NEDD4L: variants seen among roughly 807,000 people sequenced by gnomAD.
NEDD4L encodes the protein NEDD4 like E3 ubiquitin protein ligase.
NEDD4L carries 54 observed loss-of-function variants against 148.9 expected under a neutral mutation model. The ratio of observed to expected loss-of-function variants is 0.36; its 90% CI spans 0.29 to 0.45. The LOEUF (loss-of-function observed/expected upper bound fraction) is 0.45, where lower values mean the gene tolerates loss of function less well. Ranked by LOEUF, NEDD4L falls within the 20% of genes least tolerant of loss-of-function variation. The probability of loss-of-function intolerance (pLI) is 1.00; values close to 1 mark genes in which losing one functional copy is unlikely to be tolerated. For missense variants in NEDD4L, 856 were observed against 1,233.8 expected, an observed-to-expected ratio of 0.69 and a Z score of 4.59; for synonymous variants, 433 against 440.7, an observed-to-expected ratio of 0.98 and a Z score of 0.22.
intron 1 of NEDD4L, among the ~76,000 whole-genome samples, chr18:58,154,687 T>G (rs1169310681): frequency 1.3e-5 from 2 of 152,194 alleles, no homozygotes; most frequent in Non-Finnish European, 2.9e-5. Context: ...CTTGGGAGGC[T>G]GAGGCACGAG....
In NEDD4L at chr18:58,146,510, A is replaced by G. The variant is rs189444595; in HGVS notation, c.49-19278A>G. Among the ~76,000 whole-genome samples the G allele has an allele frequency of 1.2e-4, 19 of 152,232 alleles. No homozygotes were observed. The East Asian group carries it at 2.9e-3, about 23-fold the overall frequency. ...CAGCGACCAGCCAAGTGGCCTATAG[A>G]TAATAAGGAGGACTCTTCATGACAT... On this transcript the variant is annotated intron_variant, in intron 1 of 30. Coordinates refer to ENST00000400345, the MANE Select transcript of NEDD4L (RefSeq NM_001144967.3).
rs1458273314 is a variant in NEDD4L, at chr18:58,106,599, G to A, written c.49-59189G>A. Among the ~76,000 whole-genome samples the A allele has an allele frequency of 2.0e-5, 3 of 152,098 alleles. No homozygotes were observed. In the East Asian group the frequency reaches 5.8e-4, roughly 29 times the overall value. ...CTTCTCTTTTGTCATCTGTTAAAGGGGTTAGTGAAGGACCCTTCTCATAGG... is the reference window on the plus strand; with the variant it reads ...CTTCTCTTTTGTCATCTGTTAAAGGAGTTAGTGAAGGACCCTTCTCATAGG... On this transcript the variant is annotated intron_variant, in intron 1 of 30. Coordinates refer to ENST00000400345, the MANE Select transcript of NEDD4L (RefSeq NM_001144967.3).
At chr18:58,199,416 C>T (rs1466280720) in intron 2 of NEDD4L, among the ~76,000 whole-genome samples, 1 of 151,998 alleles carries the variant, frequency 6.6e-6, no homozygotes, top group Non-Finnish European at 1.5e-5. Context: ...GGTGCTGCTC[C>T]ACTTTCTACA....
At chr18:58,233,369 C>T (rs2045489760) in intron 2 of NEDD4L, among the ~76,000 whole-genome samples, 1 of 152,164 alleles carries the variant, frequency 6.6e-6, no homozygotes, top group Non-Finnish European at 1.5e-5. Context: ...GCCTCACAAT[C>T]ATGGTAGAAG....
intron 6 of NEDD4L, among the ~76,000 whole-genome samples, chr18:58,320,859 A>G (rs1409131759): frequency 6.6e-6 from 1 of 152,206 alleles, no homozygotes; most frequent in African/African-American, 2.4e-5. Flanking sequence ...AAAGGAAGGA[A>G]AACCAGCAAT....
Position 58,248,949 on chromosome 18 carries a change from ATTGT to A in NEDD4L, c.243+16_243+19del. The A allele has an allele frequency of 7.1e-7, 1 of 1,418,384 alleles. No homozygotes were observed. Among genetic ancestry groups the A allele is most frequent in the South Asian group, 1.3e-5 (1 of 79,914 alleles). 87.9% of individuals were successfully genotyped at this position (1,418,384 alleles called of 1,614,324 possible). ...AATTTTATTTCAGGGTAAGTTTTTCATTGTTTGGTAATAATTGTTATTGATACGT... is the reference window on the plus strand; with the variant it reads ...AATTTTATTTCAGGGTAAGTTTTTCATTGGTAATAATTGTTATTGATACGT... On this transcript the variant is annotated intron_variant, in intron 4 of 30. Coordinates refer to ENST00000400345, the MANE Select transcript of NEDD4L (RefSeq NM_001144967.3).
chr18:58,213,330 C>T (rs2042800573), intron 2 of NEDD4L, among the ~76,000 whole-genome samples: 1 of 152,088 alleles, frequency 6.6e-6, no homozygotes, highest in African/African-American at 2.4e-5. Flanking sequence ...AATATGAAAA[C>T]CCATCAGTTG....
At chr18:58,194,225 G>C (rs568364446) in intron 2 of NEDD4L, 2 of 152,244 alleles carry the variant, frequency 1.3e-5, no homozygotes, top group African/African-American at 4.8e-5. Flanking sequence ...GGAGATGGGA[G>C]ATGGTGTAGG....
At position 58,328,998 on chromosome 18, in the gene NEDD4L, C is replaced by A; in HGVS notation, c.684C>A (p.Asp228Glu). The change falls in exon 10 of 31, where the codon GAC becomes GAA. Residue 228 changes from aspartate to glutamate, a missense_variant. Around this residue, in one of 4 missense-constraint regions of NEDD4L, gnomAD observed 367 missense variants for 422.7 expected, o/e 0.87. Coordinates refer to ENST00000400345, the MANE Select transcript of NEDD4L (RefSeq NM_001144967.3). ...TCCCCCTTTCCTGCATGCTCAGGGACGTGTCCTCGGAGTCGGACAATAACA... is the reference window on the plus strand; with the variant it reads ...TCCCCCTTTCCTGCATGCTCAGGGAAGTGTCCTCGGAGTCGGACAATAACA... ...TTQWHRPSLMDVSSESDNNIR... is the reference protein window; with the variant it reads ...TTQWHRPSLMEVSSESDNNIR... The A allele has an allele frequency of 6.2e-7, 1 of 1,613,978 alleles. No individual in the cohort carries two copies. The highest frequency in any genetic ancestry group is 1.1e-5 in the South Asian group (1 of 91,070).
At chr18:58,149,564 C>T (rs745372424) in intron 1 of NEDD4L, 3 of 1,538,414 alleles carry the variant, frequency 2.0e-6, no homozygotes, top group African/African-American at 1.4e-5. Flanking sequence ...GAGCAGGTAA[C>T]ACTCGGTAAG....
intron 1 of NEDD4L, among the ~76,000 whole-genome samples, chr18:58,137,674 A>G (rs1259070317): frequency 6.6e-6 from 1 of 151,950 alleles, no homozygotes; most frequent in Non-Finnish European, 1.5e-5. Context: ...GAATTTTCAA[A>G]CTTGATTTCC....
rs963648381 is a variant in NEDD4L, at chr18:58,252,195, G to A, written c.297+141G>A. On this transcript the variant is annotated intron_variant, in intron 5 of 30. Coordinates refer to ENST00000400345, the MANE Select transcript of NEDD4L (RefSeq NM_001144967.3). ...AAGAAGACTGTTTTTGTCCCACTACGAGTTTGATGTTCAAAATCCTAACAA... is the reference window on the plus strand; with the variant it reads ...AAGAAGACTGTTTTTGTCCCACTACAAGTTTGATGTTCAAAATCCTAACAA... 1.7e-4 allele frequency: 114 copies of A among 670,202 alleles called. No individual in the cohort carries two copies. In the Middle Eastern group the frequency reaches 2.0e-3, roughly 12 times the overall value. 41.5% of individuals were successfully genotyped at this position (670,202 alleles called of 1,614,324 possible). A position where few individuals can be genotyped will look rare whatever the true frequency, so the allele number is the denominator to read the frequency against.
At chr18:58,251,561 C>T (rs895322245) in intron 4 of NEDD4L, among the ~76,000 whole-genome samples, 1 of 151,290 alleles carries the variant, frequency 6.6e-6, no homozygotes, top group Non-Finnish European at 1.5e-5. Context: ...GTGTGTGTCT[C>T]TCTCTACACA....
Position 58,333,881 on chromosome 18 carries a change from C to T in NEDD4L, c.1054C>T (p.His352Tyr). Residue 352 changes from histidine (H) to tyrosine (Y), a missense_variant, in exon 12 of 31, where the codon CAT becomes TAT. His to Tyr is a moderately conservative substitution (Grantham distance 83). Transcript: ENST00000400345. ...CACCGACGCAGTTGCAGAACAGGGC[C>T]ATCTACCACCGGTAACCCATGCTAA... ...SVTDAVAEQG[H>Y]LPPPSAPAGR... The T allele has an allele frequency of 6.2e-7, 1 of 1,612,134 alleles. No homozygotes were observed. Among genetic ancestry groups the T allele is most frequent in the Non-Finnish European group, 8.5e-7 (1 of 1,178,772 alleles).
At chr18:58,163,318 G>T (rs768318230) in intron 1 of NEDD4L, among the ~76,000 whole-genome samples, 1 of 152,162 alleles carries the variant, frequency 6.6e-6, no homozygotes, top group Non-Finnish European at 1.5e-5. Flanking sequence ...TTAGCAGTAG[G>T]GTACAACTTG....
intron 1 of NEDD4L, among the ~76,000 whole-genome samples, chr18:58,099,520 C>T (rs1005782803): frequency 6.6e-6 from 1 of 152,198 alleles, no homozygotes; most frequent in Admixed American, 6.5e-5. Context: ...TACCAGCCAG[C>T]AGCTTTCTTC....
At chr18:58,357,577 C>A in intron 19 of NEDD4L, 1 of 495,384 alleles carries the variant, frequency 2.0e-6, no homozygotes. Context: ...CAAAACCAAG[C>A]CCTATCTTCA....
chr18:58,149,767 T>C (rs372512215), intron 1 of NEDD4L, among the ~76,000 whole-genome samples: 10 of 152,362 alleles, frequency 6.6e-5, no homozygotes, highest in African/African-American at 2.4e-4. Flanking sequence ...GGAACAAGTC[T>C]AACCAGGCCT....
chr18:58,137,135 A>G (rs2032938452), intron 1 of NEDD4L, among the ~76,000 whole-genome samples: 1 of 152,252 alleles, frequency 6.6e-6, no homozygotes, highest in African/African-American at 2.4e-5. Flanking sequence ...CTTGGCTACC[A>G]TAGAAGCTCC....
Sources: gnomAD v4.1 joint callset for allele counts (sites outside exome capture counted in the v4.1 genomes callset) on GRCh38, gnomAD v4.1.1 for gene constraint, gnomAD v4.1.1 regional missense constraint, MANE v1.5 for transcripts, NCBI Gene and HGNC (gene_info 2026-07-23, HGNC 2026-07-21) for gene names.